The following CTNNA2 variants were observed in gnomAD, a reference collection of about 807,000 sequenced individuals.
CTNNA2 encodes catenin alpha 2, also known as catenin alpha-2.
CTNNA2 carries 42 observed loss-of-function variants against 101.0 expected under a neutral mutation model. That is an observed-to-expected ratio of 0.42 (90% CI 0.32 to 0.54). The LOEUF is 0.54. Among genes scored for constraint, CTNNA2 ranks in the 20% least tolerant of loss-of-function variants. The pLI, the probability that CTNNA2 is intolerant of heterozygous loss-of-function variation, is 0.14. For synonymous variants in CTNNA2, 450 were observed against 456.4 expected (o/e 0.99, Z 0.18); for missense variants, 871 against 1,223.1 (o/e 0.71, Z 4.29).
At chr2:80,097,011 A>G (rs1418434259) in intron 7 of CTNNA2, among the ~76,000 whole-genome samples, 1 of 152,124 alleles carries the variant, frequency 6.6e-6, no homozygotes, top group Non-Finnish European at 1.5e-5. Context: ...TTTACATTTA[A>G]GGTTAATATT....
chr2:79,587,325 A>C (rs762197377), intron 1 of CTNNA2, among the ~76,000 whole-genome samples: 3 of 151,848 alleles, frequency 2.0e-5, no homozygotes, highest in Admixed American at 6.6e-5. Flanking sequence ...GAGTTATTAA[A>C]CCCCATTTTA....
chr2:80,087,844 C>T (rs1699546075), intron 7 of CTNNA2, among the ~76,000 whole-genome samples: 1 of 151,940 alleles, frequency 6.6e-6, no homozygotes, highest in South Asian at 2.1e-4. Flanking sequence ...AGGTGTAAGG[C>T]AGACTTGGTT....
intron 4 of CTNNA2, among the ~76,000 whole-genome samples, chr2:79,396,915 T>C (rs140399021): frequency 6.6e-6 from 1 of 152,254 alleles, no homozygotes; most frequent in African/African-American, 2.4e-5. Flanking sequence ...TGTAATTTGT[T>C]ATAGCAGTGG....
rs116644570 is a variant in CTNNA2, at chr2:80,283,540, C to T, written c.1057-109671C>T. 2.2e-3 allele frequency among the ~76,000 whole-genome samples: 340 copies of T among 152,192 alleles called. 4 individuals are homozygous for T. The highest frequency in any genetic ancestry group is 7.9e-3 in the African/African-American group (328 of 41,534). ...GTAACCTCATATTTAAAAATGCAGCCTCTGAGATAGAACCTGAATGTGTTT... is the reference window on the plus strand; with the variant it reads ...GTAACCTCATATTTAAAAATGCAGCTTCTGAGATAGAACCTGAATGTGTTT... On this transcript the variant is annotated intron_variant, in intron 7 of 18. Transcript: ENST00000402739.
At chr2:79,942,020 G>C (rs1558660797) in intron 7 of CTNNA2, among the ~76,000 whole-genome samples, 1 of 152,180 alleles carries the variant, frequency 6.6e-6, no homozygotes, top group African/African-American at 2.4e-5. Flanking sequence ...ATAACATCAT[G>C]TTGGCATAAG....
intron 3 of CTNNA2, among the ~76,000 whole-genome samples, chr2:79,346,779 A>C (rs2104434539): frequency 6.6e-6 from 1 of 152,344 alleles, no homozygotes; most frequent in East Asian, 1.9e-4. Flanking sequence ...TCAGGGAAAA[A>C]TATTTCCCAG....
chr2:80,628,994 C>A (rs146450015), intron 18 of CTNNA2, among the ~76,000 whole-genome samples: 2 of 152,214 alleles, frequency 1.3e-5, no homozygotes, highest in African/African-American at 4.8e-5. Context: ...ATTTTCTCAG[C>A]TGTAAAGTGA....
At chr2:79,242,993 T>TACACAC (rs1161415099) in intron 2 of CTNNA2, among the ~76,000 whole-genome samples, 61 of 116,716 alleles carry the variant, frequency 5.2e-4, no homozygotes, top group South Asian at 1.8e-3. Context: ...TATATATATA[T>TACACAC]ACACACACAC....
At chr2:80,195,103 G>A (rs1472724822) in intron 7 of CTNNA2, among the ~76,000 whole-genome samples, 2 of 152,092 alleles carry the variant, frequency 1.3e-5, no homozygotes, top group African/African-American at 4.8e-5. Flanking sequence ...CTTAGTAAAT[G>A]TTTGTTGAAC....
rs1419622387 is a variant in CTNNA2 at position 79,900,884 on chromosome 2, G to A, written c.853-8710G>A. Among the ~76,000 whole-genome samples the A allele has an allele frequency of 2.0e-5, 3 of 152,242 alleles. No homozygotes were observed. The East Asian group carries it at 5.8e-4, about 29-fold the overall frequency. ...TACCCTGATGTGATTATTACACATTGTATGCCTGTCTCAAAATATCCTGTG... is the reference window on the plus strand; with the variant it reads ...TACCCTGATGTGATTATTACACATTATATGCCTGTCTCAAAATATCCTGTG... On this transcript the variant is annotated intron_variant, in intron 6 of 18. Coordinates refer to ENST00000402739, the MANE Select transcript of CTNNA2 (RefSeq NM_001282597.3).
At chr2:80,282,966 G>A (rs1300192148) in intron 7 of CTNNA2, among the ~76,000 whole-genome samples, 1 of 151,860 alleles carries the variant, frequency 6.6e-6, no homozygotes, top group African/African-American at 2.4e-5. Context: ...GGATCCTCAA[G>A]GTAATAAGCA....
At chr2:79,286,959 T>C (rs1422325878) in intron 2 of CTNNA2, among the ~76,000 whole-genome samples, 1 of 152,216 alleles carries the variant, frequency 6.6e-6, no homozygotes, top group Non-Finnish European at 1.5e-5. Flanking sequence ...CATTTCTTTT[T>C]ATTCTTTTTT....
intron 9 of CTNNA2, among the ~76,000 whole-genome samples, chr2:80,421,134 A>G (rs926730127): frequency 1.5e-4 from 23 of 152,164 alleles, no homozygotes; most frequent in African/African-American, 4.8e-4. Context: ...TGGGTACAGA[A>G]GGAAGGGAAG....
intron 7 of CTNNA2, among the ~76,000 whole-genome samples, chr2:80,136,978 A>G (rs1363958186): frequency 3.9e-5 from 6 of 152,160 alleles, no homozygotes; most frequent in Non-Finnish European, 2.9e-5. Flanking sequence ...TGTTTATGTT[A>G]TCTTTATGTG....
chr2:80,042,971 T>C (rs1696167197), intron 7 of CTNNA2, among the ~76,000 whole-genome samples: 1 of 152,036 alleles, frequency 6.6e-6, no homozygotes, highest in South Asian at 2.1e-4. Context: ...ATGTTTTCTT[T>C]CTTTCCTTCC....
At position 79,674,025 on chromosome 2, in the gene CTNNA2, A is replaced by C. The variant is rs551363758; in HGVS notation, c.102+22367A>C. ...TTAAACTTTAATATGTAGAAGAATC[A>C]CTGGGAGCTCATTTAAATGCAGGTT... On this transcript the variant is annotated intron_variant, in intron 2 of 18. Coordinates refer to ENST00000402739, the MANE Select transcript of CTNNA2 (RefSeq NM_001282597.3). Among the ~76,000 whole-genome samples the C allele has an allele frequency of 5.5e-4, 84 of 152,312 alleles. 1 individual carries two copies. The highest frequency in any genetic ancestry group is 1.9e-3 in the African/African-American group (80 of 41,572).
intron 7 of CTNNA2, among the ~76,000 whole-genome samples, chr2:80,157,448 C>G (rs564232455): frequency 4.6e-5 from 7 of 152,040 alleles, no homozygotes; most frequent in Non-Finnish European, 1.0e-4. Context: ...CATGAGTGCA[C>G]GACAACTGGA....
intron 2 of CTNNA2, among the ~76,000 whole-genome samples, chr2:79,709,718 T>C (rs1364911487): frequency 6.6e-6 from 1 of 151,884 alleles, no homozygotes; most frequent in Admixed American, 6.6e-5. Flanking sequence ...TAGAAGACAA[T>C]TGCAATATTC....
chr2:79,244,737 T>A lies in CTNNA2; in HGVS notation c.-406+46661T>A, dbSNP rs765305401. 4.0e-4 allele frequency among the ~76,000 whole-genome samples: 61 copies of A among 152,218 alleles called. 1 individual carries two copies. Among genetic ancestry groups the A allele is most frequent in the Admixed American group, 1.0e-3 (16 of 15,280 alleles). ...CAGAGCTCATTATGTTGTTCTTTTTTAATACATATTTGTTGAATAAATGTA... is the reference window on the plus strand; with the variant it reads ...CAGAGCTCATTATGTTGTTCTTTTTAAATACATATTTGTTGAATAAATGTA... On this transcript the variant is annotated intron_variant, in intron 2 of 21. Transcript: ENST00000466387.
Sources: gnomAD v4.1 joint callset for allele counts (sites outside exome capture counted in the v4.1 genomes callset) on GRCh38, gnomAD v4.1.1 for gene constraint, MANE v1.5 for transcripts, NCBI Gene and HGNC (gene_info 2026-07-23, HGNC 2026-07-21) for gene names.